The following CHRNB4 variants were observed in gnomAD, a reference collection of about 807,000 sequenced individuals.
CHRNB4 encodes cholinergic receptor nicotinic beta 4 subunit.
Under a neutral mutation model 40.4 loss-of-function variants are expected in CHRNB4, and 23 were observed. The ratio of observed to expected loss-of-function variants is 0.57; its 90% CI spans 0.41 to 0.81. The LOEUF is 0.81. CHRNB4 is among the 30% of genes least tolerant of loss of function. The pLI, the probability that CHRNB4 is intolerant of heterozygous loss-of-function variation, is 0.00. For missense variants in CHRNB4, 568 were observed against 670.6 expected, an observed-to-expected ratio of 0.85 and a Z score of 1.69; for synonymous variants, 285 against 274.4, an observed-to-expected ratio of 1.04 and a Z score of -0.38.
chr15:78,640,880 T>A (rs1417041053), intron 1 of CHRNB4, among the ~76,000 whole-genome samples, 199 bp downstream of exon 1: 1 of 151,828 alleles, frequency 6.6e-6, no homozygotes. Flanking sequence ...ACTCCAAACC[T>A]GGCAGACCCA....
At chr15:78,657,979 C>T (rs1041575792) in intron 2 of CHRNB4, among the ~76,000 whole-genome samples, 2 of 148,644 alleles carry the variant, frequency 1.3e-5, no homozygotes, top group Non-Finnish European at 3.0e-5. Flanking sequence ...ACTTTTGATT[C>T]TGGGGACACA....
intron 5 of CHRNB4, chr15:78,627,269 A>T (rs1043718537): frequency 2.6e-5 from 4 of 152,196 alleles, no homozygotes; most frequent in Non-Finnish European, 5.9e-5. Context: ...TCAAACTGCA[A>T]TGGGTCTGGG....
At chr15:78,638,338 G>A (rs917179482) in intron 1 of CHRNB4, among the ~76,000 whole-genome samples, 15 of 152,260 alleles carry the variant, frequency 9.9e-5, no homozygotes, top group Admixed American at 9.2e-4. Flanking sequence ...TTGAGTTAGA[G>A]GTTCCCAGAA....
chr15:78,649,577 A>G (rs537627266), intron 6 of CHRNB4: 1 of 289,602 alleles, frequency 3.5e-6, no homozygotes, highest in African/African-American at 2.2e-5. Context: ...TTTTACACAA[A>G]AAGTTTGCTG....
chr15:78,627,428 C>G (rs2053683148), intron 5 of CHRNB4: 1 of 152,130 alleles, frequency 6.6e-6, no homozygotes, highest in African/African-American at 2.4e-5. Flanking sequence ...GTCCTATATT[C>G]CATTTGTTTG....
At chr15:78,649,202 G>A (rs1386616230) in intron 7 of CHRNB4, among the ~76,000 whole-genome samples, 1 of 152,028 alleles carries the variant, frequency 6.6e-6, no homozygotes, top group East Asian at 1.9e-4. Context: ...AATTGATAAT[G>A]TATTGTAAAG....
At chr15:78,646,227 A>C (rs2054122230), upstream of CHRNB4, among the ~76,000 whole-genome samples, 1 of 152,192 alleles carries the variant, frequency 6.6e-6, no homozygotes, top group South Asian at 2.1e-4. Flanking sequence ...TGACACACGG[A>C]AACTTGAAAT....
intron 7 of CHRNB4, chr15:78,649,374 C>G (rs1001957658): frequency 8.8e-6 from 4 of 452,618 alleles, no homozygotes; most frequent in African/African-American, 2.0e-5. Context: ...CTGTGGGATA[C>G]TCACATAATA....
chr15:78,627,885 G>A (rs1213822270), intron 5 of CHRNB4: 1 of 152,180 alleles, frequency 6.6e-6, no homozygotes, highest in Non-Finnish European at 1.5e-5. Flanking sequence ...GTAATTCTAG[G>A]TCAGGTTCGG....
At chr15:78,646,196 G>A (rs762948679), upstream of CHRNB4, among the ~76,000 whole-genome samples, 2 of 152,106 alleles carry the variant, frequency 1.3e-5, no homozygotes, top group African/African-American at 4.8e-5. Context: ...GGAAGAGAAC[G>A]GGAGCCCAGC....
chr15:78,626,285 C>CA (rs1464222341), intron 5 of CHRNB4: 1 of 152,746 alleles, frequency 6.5e-6, no homozygotes, highest in African/African-American at 2.4e-5. Flanking sequence ...GCTCTCTCCA[C>CA]AGAGCACTCC....
At chr15:78,627,019 G>A (rs1328749825) in intron 5 of CHRNB4, 1 of 152,216 alleles carries the variant, frequency 6.6e-6, no homozygotes, top group Non-Finnish European at 1.5e-5. Flanking sequence ...CCAGGGATTG[G>A]TTAAAAATGC....
chr15:78,658,148 AG>A (rs1352223113), intron 2 of CHRNB4: 1 of 145,384 alleles, frequency 6.9e-6, no homozygotes, highest in African/African-American at 2.6e-5. Context: ...TTCCTGTCTC[AG>A]CCTCCCGAGT....
rs558146564 is a variant in CHRNB4, at chr15:78,640,997, C to T, written c.55+82G>A. The T allele has an allele frequency of 1.2e-4, 175 of 1,442,360 alleles. 1 individual carries two copies. Among genetic ancestry groups the T allele is most frequent in the South Asian group, 4.4e-4 (36 of 81,020 alleles). 89.3% of individuals were successfully genotyped at this position (1,442,360 alleles called of 1,614,324 possible). On this transcript the variant is annotated intron_variant, in intron 1 of 5. Transcript: ENST00000261751. ...CACTCCCCCGGGCGCAGGGCACCCT[C>T]CCTTCCCTCCCACCTGTGGCCAGTC...
Position 78,625,190 on chromosome 15 carries a change from C to CG in CHRNB4, c.1439dup (p.Pro481AlafsTer10). On this transcript the variant is annotated frameshift_variant, in exon 6 of 6. Coordinates refer to ENST00000261751, the MANE Select transcript of CHRNB4 (RefSeq NM_000750.5). LOFTEE classifies it low-confidence loss of function (END_TRUNC). The stretch of plus-strand genomic sequence containing the variant: ...AAGCTGCATGGGTCTGGAAGAGGGG[C>CG]GGTAGGAAGAGCCCCACAGTGCCCA... The CG allele has an allele frequency of 6.2e-7, 1 of 1,610,576 alleles. No homozygotes were observed. Among genetic ancestry groups the CG allele is most frequent in the Non-Finnish European group, 8.5e-7 (1 of 1,178,478 alleles).
chr15:78,652,964 G>C (rs2054185380), intron 5 of CHRNB4, among the ~76,000 whole-genome samples: 1 of 152,130 alleles, frequency 6.6e-6, no homozygotes, highest in East Asian at 1.9e-4. Flanking sequence ...TAGCAGCTGT[G>C]GTGGGCAAGT....
At chr15:78,638,688 A>G (rs1218462495) in intron 1 of CHRNB4, among the ~76,000 whole-genome samples, 1 of 152,072 alleles carries the variant, frequency 6.6e-6, no homozygotes, top group Non-Finnish European at 1.5e-5. Context: ...ACTGGAATGC[A>G]CCCCACTTGC....
upstream of CHRNB4, chr15:78,641,331 C>T (rs1044879994): frequency 8.0e-6 from 4 of 498,058 alleles, no homozygotes; most frequent in African/African-American, 2.1e-5. Flanking sequence ...CGCCCCGACG[C>T]CCCCTGGGTG....
intron 2 of CHRNB4, among the ~76,000 whole-genome samples, chr15:78,633,016 C>G (rs951962911): frequency 3.9e-5 from 6 of 152,208 alleles, no homozygotes; most frequent in African/African-American, 1.2e-4. Context: ...AAATCTTGCT[C>G]CTTCGCAGGG....
Sources: allele counts gnomAD v4.1 joint callset (sites outside exome capture counted in the v4.1 genomes callset), GRCh38; gene constraint gnomAD v4.1.1; transcripts MANE v1.5; gene names NCBI Gene and HGNC (gene_info 2026-07-23, HGNC 2026-07-21).